PPP2R2B: variants seen among roughly 807,000 people sequenced by gnomAD.
The protein encoded by PPP2R2B is protein phosphatase 2 regulatory subunit Bbeta.
PPP2R2B carries 5 observed loss-of-function variants against 46.0 expected under a neutral mutation model. The ratio of observed to expected loss-of-function variants is 0.11; its 90% CI spans 0.06 to 0.23. The LOEUF is 0.23. Among genes scored for constraint, PPP2R2B ranks in the 10% least tolerant of loss-of-function variants. PPP2R2B has a pLI of 1.00. For synonymous variants in PPP2R2B, 215 were observed against 206.7 expected (o/e 1.04, Z -0.34); for missense variants, 367 against 575.0 (o/e 0.64, Z 3.70).
intron 7 of PPP2R2B, chr5:146,617,105 T>C (rs1773239839): frequency 6.6e-6 from 1 of 152,142 alleles, no homozygotes; most frequent in African/African-American, 2.4e-5. Context: ...TTATGTTAAG[T>C]GAAATGAGCC....
chr5:146,878,781 G>C, upstream of PPP2R2B: 1 of 1,230,920 alleles, frequency 8.1e-7, no homozygotes, highest in Non-Finnish European at 1.0e-6. The surrounding 1 kb of genome is among the most constrained non-coding windows in gnomAD (Gnocchi z 4.5). Flanking sequence ...GGCGGCTGGT[G>C]CATTAAAGGC....
chr5:146,657,965 A>T (rs572430472), intron 5 of PPP2R2B, among the ~76,000 whole-genome samples: 11 of 152,318 alleles, frequency 7.2e-5, no homozygotes, highest in African/African-American at 2.6e-4. Flanking sequence ...GGAAGGTTAT[A>T]ACCACACACT....
chr5:146,936,634 G>A (rs1257693978), intron 1 of PPP2R2B, among the ~76,000 whole-genome samples: 1 of 151,498 alleles, frequency 6.6e-6, no homozygotes, highest in Non-Finnish European at 1.5e-5. Context: ...GATAGTAAGA[G>A]GACATGCACA....
intron 2 of PPP2R2B, among the ~76,000 whole-genome samples, chr5:146,721,526 C>A (rs1190858150): frequency 1.3e-5 from 2 of 152,206 alleles, no homozygotes; most frequent in Non-Finnish European, 1.5e-5. Context: ...ACTCTCCCAA[C>A]ATGAAATCAC....
chr5:147,027,183 G>A (rs190031319), intron 1 of PPP2R2B, among the ~76,000 whole-genome samples: 169 of 152,132 alleles, frequency 1.1e-3, no homozygotes, highest in Admixed American at 7.1e-3. Context: ...AAAAAGGAAC[G>A]CATACAATAC....
intron 7 of PPP2R2B, among the ~76,000 whole-genome samples, chr5:146,622,458 A>C (rs1773766466): frequency 1.3e-5 from 2 of 152,242 alleles, no homozygotes; most frequent in Non-Finnish European, 2.9e-5. Context: ...CAGAACCAGC[A>C]CTATTGACCA....
chr5:146,889,477 G>A (rs184053088), intron 1 of PPP2R2B, among the ~76,000 whole-genome samples: 18 of 152,186 alleles, frequency 1.2e-4, no homozygotes, highest in Admixed American at 3.3e-4. Context: ...CTCTAAATAC[G>A]AGGTTCAGAT....
chr5:146,645,598 G>C (rs934319762), intron 6 of PPP2R2B, among the ~76,000 whole-genome samples: 2 of 152,154 alleles, frequency 1.3e-5, no homozygotes, highest in Admixed American at 1.3e-4. Context: ...AGTAATGAGT[G>C]CTAGAACCTG....
chr5:147,079,957 T>C (rs1757927281), intron 2 of PPP2R2B, among the ~76,000 whole-genome samples: 1 of 152,190 alleles, frequency 6.6e-6, no homozygotes, highest in African/African-American at 2.4e-5. Flanking sequence ...TATAAATATG[T>C]GCAATCGTAT....
chr5:146,902,763 A>T (rs2151436276), intron 1 of PPP2R2B, among the ~76,000 whole-genome samples: 1 of 152,302 alleles, frequency 6.6e-6, no homozygotes, highest in Non-Finnish European at 1.5e-5. Flanking sequence ...TCCTCCCAAG[A>T]TCTGGTCCTA....
intron 2 of PPP2R2B, among the ~76,000 whole-genome samples, chr5:146,721,469 C>T (rs1780792908): frequency 6.6e-6 from 1 of 152,156 alleles, no homozygotes; most frequent in South Asian, 2.1e-4. Context: ...AGAGAAGGTG[C>T]TAGAAATAGG....
intron 1 of PPP2R2B, among the ~76,000 whole-genome samples, chr5:146,988,608 A>G (rs919788537): frequency 2.0e-5 from 3 of 152,022 alleles, no homozygotes; most frequent in Non-Finnish European, 1.5e-5. Flanking sequence ...TATGGGATAC[A>G]GTAAAAACAG....
chr5:146,754,698 A>G (rs979307230), intron 2 of PPP2R2B, among the ~76,000 whole-genome samples: 1 of 152,130 alleles, frequency 6.6e-6, no homozygotes, highest in Non-Finnish European at 1.5e-5. Flanking sequence ...TTACTCTCCC[A>G]TCACTCACTC....
At chr5:146,677,031 C>T (rs763934766) in intron 5 of PPP2R2B, among the ~76,000 whole-genome samples, 1 of 140,424 alleles carries the variant, frequency 7.1e-6, no homozygotes, top group Non-Finnish European at 1.5e-5. Context: ...AACCTTATAA[C>T]TCCTGAACTC....
chr5:146,875,188 T>C (rs1761826928), intron 2 of PPP2R2B, among the ~76,000 whole-genome samples: 1 of 152,176 alleles, frequency 6.6e-6, no homozygotes, highest in Admixed American at 6.5e-5. Context: ...AATGACAACA[T>C]CCATTTAACA....
chr5:146,582,916 T>C lies in PPP2R2B; in HGVS notation c.*7031A>G, dbSNP rs1368371935. ...ATTTTAGTGCCTCATAGCCTGGCTA[T>C]TGGAGAAGCTCCTGATATGTGAACC... is the stretch of plus-strand genomic sequence containing the variant. On this transcript the variant is annotated 3_prime_UTR_variant, in exon 10 of 10. Coordinates refer to ENST00000394411, the MANE Select transcript of PPP2R2B (RefSeq NM_181675.4). 1 of 152,272 alleles carries C rather than the reference T, an allele frequency of 6.6e-6. No homozygotes were observed. The allele number at this position is 152,272 out of a possible 1,614,324, so 9.4% of individuals were successfully genotyped here.
intron 2 of PPP2R2B, among the ~76,000 whole-genome samples, chr5:146,737,321 A>G (rs1191250209): frequency 6.6e-6 from 1 of 151,890 alleles, no homozygotes; most frequent in Non-Finnish European, 1.5e-5. Flanking sequence ...GGGCATTTTG[A>G]TACATATTAT....
chr5:146,741,052 G>T (rs536094052), intron 2 of PPP2R2B, among the ~76,000 whole-genome samples: 1 of 142,150 alleles, frequency 7.0e-6, no homozygotes, highest in Non-Finnish European at 1.5e-5. Context: ...AAAAAAAAAT[G>T]CAGATTTTTG....
chr5:147,034,719 A>T (rs1229631702), intron 1 of PPP2R2B, among the ~76,000 whole-genome samples: 2 of 152,110 alleles, frequency 1.3e-5, no homozygotes, highest in Non-Finnish European at 2.9e-5. Context: ...AGATTATCTC[A>T]TTTATTTATT....
Sources: allele counts gnomAD v4.1 joint callset (sites outside exome capture counted in the v4.1 genomes callset), GRCh38; gene constraint gnomAD v4.1.1; non-coding constraint Gnocchi (gnomAD v3.1); transcripts MANE v1.5; gene names NCBI Gene and HGNC (gene_info 2026-07-23, HGNC 2026-07-21).